Variants in ZDHHC8 observed in about 807,000 individuals in gnomAD.
ZDHHC8 encodes the protein palmitoyltransferase ZDHHC8.
In ZDHHC8, 24 loss-of-function variants were observed where a neutral mutation model predicts 61.2. The observed-to-expected ratio is 0.39, with a 90% confidence interval of 0.28 to 0.55. The LOEUF is 0.55. ZDHHC8 is among the 20% of genes least tolerant of loss of function. The pLI is 0.60. For synonymous variants in ZDHHC8, 523 were observed against 492.5 expected (o/e 1.06, Z -0.82); for missense variants, 935 against 1,102.1 (o/e 0.85, Z 2.15).
chr22:20,140,202 C>A lies in ZDHHC8; in HGVS notation c.645C>A (p.Arg215=). 2 of 1,612,702 alleles carry A rather than the reference C, an allele frequency of 1.2e-6. No homozygotes were observed. Among genetic ancestry groups the A allele is most frequent in the South Asian group, 2.2e-5 (2 of 91,078 alleles). The change falls in exon 5 of 11, where the codon CGC becomes CGA. Residue 215 remains arginine (R), a synonymous_variant. Transcript: ENST00000334554. ...ATGTGGTGCTGGTCACTCGGGGGCG[C>A]ACCACCAACGAGCAGGTGCAGACCC... The part of the protein sequence containing the change: ...GFHVVLVTRG[R]TTNEQVTGKF...
intron 2 of ZDHHC8, 64 bp from the exon 3 acceptor site, chr22:20,139,414 G>C (rs1420879510): frequency 6.2e-7 from 1 of 1,604,898 alleles, no homozygotes; most frequent in Non-Finnish European, 8.5e-7. Context: ...GGCTGGACTT[G>C]GGGGAGGGAT....
At chr22:20,140,278 G>T (rs2050456714) in intron 5 of ZDHHC8, 61 bp downstream of exon 5, 1 of 1,519,510 alleles carries the variant, frequency 6.6e-7, no homozygotes, top group African/African-American at 1.4e-5. Flanking sequence ...GCTGCATGGG[G>T]ACAGGGTGGG....
intron 9 of ZDHHC8, among the ~76,000 whole-genome samples, chr22:20,142,089 G>A (rs1407820414): frequency 6.6e-6 from 1 of 152,174 alleles, no homozygotes; most frequent in Admixed American, 6.5e-5. Flanking sequence ...CACCCCGAGA[G>A]GCAGGCCTGT....
intron 5 of ZDHHC8, 150 bp from the exon 6 acceptor site, chr22:20,140,467 C>T (rs1027131624): frequency 2.2e-6 from 2 of 898,410 alleles, no homozygotes; most frequent in Non-Finnish European, 3.3e-6. Flanking sequence ...GCTGGGTAAC[C>T]TATGTGAGGG....
intron 9 of ZDHHC8, 123 bp downstream of exon 9, chr22:20,141,653 C>T: frequency 1.2e-6 from 1 of 834,254 alleles, no homozygotes; most frequent in Non-Finnish European, 1.9e-6. Context: ...CAGCAGAGGC[C>T]ACATCCCCTG....
Position 20,146,334 on chromosome 22 carries a change from C to T in ZDHHC8, c.*934C>T. 2 of 985,636 alleles carry T rather than the reference C, an allele frequency of 2.0e-6. No individual in the cohort carries two copies. The highest frequency in any genetic ancestry group is 1.2e-6 in the Non-Finnish European group (1 of 829,934). 61.1% of individuals were successfully genotyped at this position (985,636 alleles called of 1,614,324 possible). A position where few individuals can be genotyped will look rare whatever the true frequency, so the allele number is the denominator to read the frequency against. Reference sequence around the variant, plus strand: ...GCACACTGGGGAGGGGTCAGTGCTTCCCTTGGTGTCAGGGACCTGAGAGTA... The same window carrying T: ...GCACACTGGGGAGGGGTCAGTGCTTTCCTTGGTGTCAGGGACCTGAGAGTA... On this transcript the variant is annotated 3_prime_UTR_variant, in exon 11 of 11. Coordinates refer to ENST00000334554, the MANE Select transcript of ZDHHC8 (RefSeq NM_013373.4).
chr22:20,140,014 G>C (rs770349956), intron 4 of ZDHHC8, 101 bp from the exon 5 acceptor site: 2 of 1,586,066 alleles, frequency 1.3e-6, no homozygotes, highest in Admixed American at 1.7e-5. Flanking sequence ...GCAGGTGGCC[G>C]TCCCTAGGTT....
Position 20,145,241 on chromosome 22 carries a change from G to A in ZDHHC8, c.2139G>A (p.Gln713=). The A allele has an allele frequency of 1.3e-6, 2 of 1,503,318 alleles. No individual in the cohort carries two copies. Among genetic ancestry groups the A allele is most frequent in the Non-Finnish European group, 1.8e-6 (2 of 1,125,602 alleles). The allele number at this position is 1,503,318 out of a possible 1,614,324, so 93.1% of individuals were successfully genotyped here. A position where few individuals can be genotyped will look rare whatever the true frequency, so the allele number is the denominator to read the frequency against. Residue 713 remains glutamine, a synonymous_variant, in exon 11 of 11, where the codon CAG becomes CAA. Transcript: ENST00000334554. ...PSLTVQRDHP[Q]LKTPPSKLNG... ...TGTTTTGATGCAGGGACCACCCTCA[G>A]CTGAAGACTCCCCCAAGTAAGCTTA...
chr22:20,137,742 C>G (rs1369408331), intron 1 of ZDHHC8, among the ~76,000 whole-genome samples: 1 of 152,244 alleles, frequency 6.6e-6, no homozygotes, highest in African/African-American at 2.4e-5. Flanking sequence ...CCTTAGGGGC[C>G]TGTGGTCCTG....
At chr22:20,135,781 G>A (rs1004438765) in intron 1 of ZDHHC8, among the ~76,000 whole-genome samples, 1 of 152,254 alleles carries the variant, frequency 6.6e-6, no homozygotes, top group African/African-American at 2.4e-5. Flanking sequence ...GGACAGGTAG[G>A]TGCAGGTACT....
intron 1 of ZDHHC8, among the ~76,000 whole-genome samples, chr22:20,138,610 A>G (rs1337352929): frequency 1.3e-5 from 2 of 152,154 alleles, no homozygotes; most frequent in Non-Finnish European, 2.9e-5. Flanking sequence ...TGTGCATTCT[A>G]GAGTCCCTAA....
chr22:20,145,499 C>A lies in ZDHHC8; in HGVS notation c.*99C>A, dbSNP rs1156503204. On this transcript the variant is annotated 3_prime_UTR_variant, in exon 11 of 11. Transcript: ENST00000334554. The stretch of plus-strand genomic sequence containing the variant: ...CTTCTCTGCCCCAGGGACCCGAGGC[C>A]ACCCCAGCCTGGTGTGGACCCATCG... 7.4e-7 allele frequency: 1 copy of A among 1,355,554 alleles called. No homozygotes were observed. The highest frequency in any genetic ancestry group is 9.5e-7 in the Non-Finnish European group (1 of 1,055,292). 84.0% of individuals were successfully genotyped at this position (1,355,554 alleles called of 1,614,324 possible).
chr22:20,142,953 G>A lies in ZDHHC8; in HGVS notation c.1323G>A (p.Arg441=). 2 of 1,601,200 alleles carry A rather than the reference G, an allele frequency of 1.2e-6. No individual in the cohort carries two copies. The highest frequency in any genetic ancestry group is 2.2e-5 in the South Asian group (2 of 90,332). The change falls in exon 10 of 11, where the codon CGG becomes CGA. Residue 441 remains arginine, a synonymous_variant. Coordinates refer to ENST00000334554, the MANE Select transcript of ZDHHC8 (RefSeq NM_013373.4). ...RSLSLKASSR[R]GGDHVALQPL... ...TGAGCCTCAAGGCCTCGAGCCGGCG[G>A]GGCGGGGATCATGTGGCCCTGCAGC...
In ZDHHC8 at chr22:20,139,775, G is replaced by T; in HGVS notation, c.440G>T (p.Arg147Leu). Reference sequence around the variant, plus strand: ...AACTGCATCGGGCGTCGAAACTATCGCTACTTCTTCCTGTTCCTGCTGTCA... The same window carrying T: ...AACTGCATCGGGCGTCGAAACTATCTCTACTTCTTCCTGTTCCTGCTGTCA... ...VNNCIGRRNY[R>L]YFFLFLLSLS... Residue 147 changes from arginine to leucine, a missense_variant, in exon 4 of 11, where the codon CGC becomes CTC. Coordinates refer to ENST00000334554, the MANE Select transcript of ZDHHC8 (RefSeq NM_013373.4). 1 of 1,613,138 alleles carries T rather than the reference G, an allele frequency of 6.2e-7. No individual in the cohort carries two copies. The highest frequency in any genetic ancestry group is 8.5e-7 in the Non-Finnish European group (1 of 1,180,024).
rs767134714 is a variant in ZDHHC8 at position 20,143,037 on chromosome 22, A to G, written c.1407A>G (p.Ala469=). 7 of 1,612,126 alleles carry G rather than the reference A, an allele frequency of 4.3e-6. No homozygotes were observed. Among genetic ancestry groups the G allele is most frequent in the Non-Finnish European group, 5.9e-6 (7 of 1,179,816 alleles). The change falls in exon 10 of 11, where the codon GCA becomes GCG. Residue 469 remains alanine, a synonymous_variant. Transcript: ENST00000334554. ...TPHRSIFAPH[A]LPNRNGSLSY... is the part of the protein sequence containing the mutation. ...ACCGTAGCATTTTTGCCCCCCATGC[A>G]CTGCCCAACCGCAACGGCAGCCTGT...
At position 20,145,484 on chromosome 22, in the gene ZDHHC8, C is replaced by T; in HGVS notation, c.*84C>T. 7.4e-7 allele frequency: 1 copy of T among 1,344,160 alleles called. No homozygotes were observed. The highest frequency in any genetic ancestry group is 9.5e-7 in the Non-Finnish European group (1 of 1,047,350). 83.3% of individuals were successfully genotyped at this position (1,344,160 alleles called of 1,614,324 possible). A position where few individuals can be genotyped will look rare whatever the true frequency, so the allele number is the denominator to read the frequency against. ...CCCCCTCCCCACCAACTTCTCTGCC[C>T]CAGGGACCCGAGGCCACCCCAGCCT... On this transcript the variant is annotated 3_prime_UTR_variant, in exon 11 of 11. Transcript: ENST00000334554.
At chr22:20,133,541 C>T (rs1195923584) in intron 1 of ZDHHC8, among the ~76,000 whole-genome samples, 1 of 152,066 alleles carries the variant, frequency 6.6e-6, no homozygotes, top group Non-Finnish European at 1.5e-5. Context: ...CCAGCCTGGC[C>T]AACATGGCGA....
At chr22:20,145,033 C>T (rs2050508521) in intron 10 of ZDHHC8, among the ~76,000 whole-genome samples, 196 bp from the exon 11 acceptor site, 3 of 152,178 alleles carry the variant, frequency 2.0e-5, no homozygotes, top group African/African-American at 4.8e-5. Context: ...AGCTGCTCCC[C>T]AGGCAGGCTC....
chr22:20,139,026 G>A (rs528230376), intron 1 of ZDHHC8, among the ~76,000 whole-genome samples, 168 bp from the exon 2 acceptor site: 10 of 152,318 alleles, frequency 6.6e-5, no homozygotes, highest in South Asian at 4.1e-4. Context: ...GCCGTTACTC[G>A]AAGGAGCGAT....
Sources: allele counts gnomAD v4.1 joint callset (sites outside exome capture counted in the v4.1 genomes callset), GRCh38; gene constraint gnomAD v4.1.1; transcripts MANE v1.5; gene names NCBI Gene and HGNC (gene_info 2026-07-23, HGNC 2026-07-21).